Variants in TRERF1 observed in about 807,000 individuals in gnomAD.
The protein encoded by TRERF1 is transcriptional regulating factor 1, also known as transcriptional-regulating factor 1.
Under a neutral mutation model 122.9 loss-of-function variants are expected in TRERF1, and 27 were observed. The ratio of observed to expected loss-of-function variants is 0.22; its 90% CI spans 0.16 to 0.30. The LOEUF (loss-of-function observed/expected upper bound fraction) is 0.30, where lower values mean the gene tolerates loss of function less well. Among genes scored for constraint, TRERF1 ranks in the 10% least tolerant of loss-of-function variants. The probability of loss-of-function intolerance (pLI) is 1.00; values close to 1 mark genes in which losing one functional copy is unlikely to be tolerated. For missense variants in TRERF1, 1,248 were observed against 1,560.3 expected (o/e 0.80, Z 3.37); for synonymous variants, 636 against 641.7 (o/e 0.99, Z 0.13).
chr6:42,274,465 A>G (rs1371211222), intron 4 of TRERF1, among the ~76,000 whole-genome samples: 2 of 152,208 alleles, frequency 1.3e-5, no homozygotes, highest in African/African-American at 2.4e-5. Context: ...ACTTGAGGCC[A>G]GGAGTTCAAG....
At chr6:42,378,077 C>T (rs573210904) in intron 2 of TRERF1, among the ~76,000 whole-genome samples, 1 of 152,172 alleles carries the variant, frequency 6.6e-6, no homozygotes, top group South Asian at 2.1e-4. Flanking sequence ...GTGATCTTCC[C>T]AAAGCTAGTG....
intron 2 of TRERF1, among the ~76,000 whole-genome samples, chr6:42,382,378 G>A (rs1776093262): frequency 1.3e-5 from 2 of 150,088 alleles, no homozygotes; most frequent in Admixed American, 6.6e-5. Flanking sequence ...TTAAGAGAAA[G>A]AGTGATTCTC....
intron 2 of TRERF1, among the ~76,000 whole-genome samples, chr6:42,441,663 TAAAA>T (rs1000787199): frequency 4.2e-5 from 6 of 142,700 alleles, no homozygotes; most frequent in African/African-American, 1.6e-4. Flanking sequence ...ACCAGAGGTT[TAAAA>T]AAAAAAAAGA....
At chr6:42,273,280 A>AT (rs1406904563) in intron 4 of TRERF1, among the ~76,000 whole-genome samples, 1 of 152,068 alleles carries the variant, frequency 6.6e-6, no homozygotes, top group Non-Finnish European at 1.5e-5. Context: ...AATCAGGTCT[A>AT]TTTTTACCTA....
rs756015427 is a variant in TRERF1 at position 42,268,756 on chromosome 6, C to T, written c.835G>A (p.Gly279Arg). 6.8e-6 allele frequency: 11 copies of T among 1,614,032 alleles called. No homozygotes were observed. Among genetic ancestry groups the T allele is most frequent in the Admixed American group, 1.7e-5 (1 of 60,008 alleles). ...TCTTGCATGGAGATACGCTGTTGCC[C>T]GGCTTGCTGCTGTTGCTGCGGTGGG... The change falls in exon 5 of 18, where the codon GGG becomes AGG. Residue 279 changes from glycine to arginine, a missense_variant. Gly to Arg is a moderately radical substitution (Grantham distance 125). This residue lies in a region of TRERF1 where 946 missense variants were observed against 1,073.0 expected (regional missense o/e 0.88). Transcript: ENST00000372922. This position sits in a 1 kb window ranked among gnomAD's most constrained non-coding sequence, Gnocchi z 4.4.
Position 42,259,938 on chromosome 6 carries a change from C to A in TRERF1, c.1885-215G>T, listed in dbSNP as rs940133725. ...AGAAAACTAAGGTTTTGGAAGAAAT[C>A]CCTAATTTCTGAAAGAGCTGGGGGT... On this transcript the variant is annotated intron_variant, in intron 8 of 17. Transcript: ENST00000372922. This position sits in a 1 kb window ranked among gnomAD's most constrained non-coding sequence, Gnocchi z 4.9. Among the ~76,000 whole-genome samples, 1 of 151,380 alleles carries A rather than the reference C, an allele frequency of 6.6e-6. No individual in the cohort carries two copies. The highest frequency in any genetic ancestry group is 2.4e-5 in the African/African-American group (1 of 41,200).
rs143748507 is a variant in TRERF1, at chr6:42,270,233, G to A, written c.-258-385C>T. ...TATATATATATGAAACAGGAGACTC[G>A]ATTAGAAATAGCCAGTGTCATGCAC... On this transcript the variant is annotated intron_variant, in intron 4 of 17. Transcript: ENST00000372922. 2.7e-4 allele frequency among the ~76,000 whole-genome samples: 41 copies of A among 152,216 alleles called. No homozygotes were observed. In the East Asian group the frequency reaches 7.7e-3, roughly 29 times the overall value.
At chr6:42,400,309 A>G (rs1056212596) in intron 2 of TRERF1, among the ~76,000 whole-genome samples, 1 of 152,228 alleles carries the variant, frequency 6.6e-6, no homozygotes, top group Non-Finnish European at 1.5e-5. Flanking sequence ...ATGACAGCTG[A>G]TGACAGCTGC....
chr6:42,354,386 CTTT>C (rs11339393), intron 3 of TRERF1, among the ~76,000 whole-genome samples: 1 of 145,296 alleles, frequency 6.9e-6, no homozygotes. Flanking sequence ...TGTTGTTTCC[CTTT>C]TTTTTTTTCA....
At chr6:42,409,469 GATT>G (rs911562094) in intron 2 of TRERF1, among the ~76,000 whole-genome samples, 2 of 151,950 alleles carry the variant, frequency 1.3e-5, no homozygotes, top group African/African-American at 4.8e-5. Context: ...AATTTTTCCT[GATT>G]ATTATTATAA....
At chr6:42,363,580 TG>T in intron 2 of TRERF1, among the ~76,000 whole-genome samples, 2 of 152,308 alleles carry the variant, frequency 1.3e-5, no homozygotes, top group Middle Eastern at 3.4e-3. Flanking sequence ...GTTGACATCC[TG>T]ACCCCTAGGA....
Position 42,268,807 on chromosome 6 carries a change from G to T in TRERF1, c.784C>A (p.Gln262Lys). The T allele has an allele frequency of 6.2e-7, 1 of 1,614,162 alleles. No individual in the cohort carries two copies. Among genetic ancestry groups the T allele is most frequent in the Non-Finnish European group, 8.5e-7 (1 of 1,180,030 alleles). ...TAATACTGGTGCTGCTGCATCTGTT[G>T]CATGTGCTGTGACAGCATCTGTGGG... Residue 262 changes from glutamine (Q) to lysine (K), a missense_variant, in exon 5 of 18, where the codon CAA becomes AAA. Gln to Lys is a moderately conservative substitution (Grantham distance 53). Transcript: ENST00000372922. This position sits in a 1 kb window ranked among gnomAD's most constrained non-coding sequence, Gnocchi z 4.4.
At chr6:42,375,937 C>G (rs1169867281) in intron 2 of TRERF1, among the ~76,000 whole-genome samples, 4 of 152,164 alleles carry the variant, frequency 2.6e-5, no homozygotes, top group African/African-American at 9.7e-5. Flanking sequence ...GCACATTAAA[C>G]AGAAGAAATG....
At chr6:42,246,976 G>A (rs1017367931) in intron 13 of TRERF1, among the ~76,000 whole-genome samples, 4 of 152,210 alleles carry the variant, frequency 2.6e-5, no homozygotes, top group Non-Finnish European at 5.9e-5. Flanking sequence ...TCAGGGTGTG[G>A]CTGGATTCAC....
At chr6:42,316,293 G>C (rs988866691) in intron 3 of TRERF1, among the ~76,000 whole-genome samples, 3 of 152,140 alleles carry the variant, frequency 2.0e-5, no homozygotes, top group Non-Finnish European at 4.4e-5. Flanking sequence ...GAAAATCTAG[G>C]TGAGGGTCTC....
At position 42,280,370 on chromosome 6, in the gene TRERF1, G is replaced by A. The variant is rs147534260; in HGVS notation, c.-258-10522C>T. Among the ~76,000 whole-genome samples, 323 of 152,318 alleles carry A rather than the reference G, an allele frequency of 2.1e-3. 1 individual carries two copies. Among genetic ancestry groups the A allele is most frequent in the African/African-American group, 7.4e-3 (308 of 41,576 alleles). On this transcript the variant is annotated intron_variant, in intron 4 of 17. Coordinates refer to ENST00000372922, the Ensembl canonical transcript of TRERF1. ...TGGCCTCCTTCTAGAAGCCCTGGGG[G>A]ATGGTGAGCCTCACTCAGGTACCCA...
chr6:42,326,240 G>C (rs553385904), intron 3 of TRERF1, among the ~76,000 whole-genome samples: 1 of 145,824 alleles, frequency 6.9e-6, no homozygotes, highest in Admixed American at 6.6e-5. Flanking sequence ...CTGGCTGGAT[G>C]GAAGGGGTGA....
intron 3 of TRERF1, among the ~76,000 whole-genome samples, chr6:42,313,648 A>C (rs1162447489): frequency 6.6e-6 from 1 of 152,112 alleles, no homozygotes; most frequent in East Asian, 1.9e-4. Context: ...AAGGGCCTTC[A>C]CTGAGCCCCA....
At chr6:42,253,722 G>C (rs1267734201) in intron 13 of TRERF1, among the ~76,000 whole-genome samples, 1 of 152,180 alleles carries the variant, frequency 6.6e-6, no homozygotes, top group East Asian at 1.9e-4. Context: ...TGTGATGACA[G>C]GCAGGAAGGC....
Sources: allele counts gnomAD v4.1 joint callset (sites outside exome capture counted in the v4.1 genomes callset), GRCh38; gene constraint gnomAD v4.1.1; regional missense constraint gnomAD v4.1.1; non-coding constraint Gnocchi (gnomAD v3.1); transcripts MANE v1.5; gene names NCBI Gene and HGNC (gene_info 2026-07-23, HGNC 2026-07-21).